HORMAD2: variants seen among roughly 807,000 people sequenced by gnomAD.
HORMAD2 encodes the protein HORMA domain containing 2, also known as HORMA domain-containing protein 2.
Under a neutral mutation model 38.8 loss-of-function variants are expected in HORMAD2, and 45 were observed. The ratio of observed to expected loss-of-function variants is 1.16; its 90% confidence interval spans 0.91 to 1.49. HORMAD2 has a LOEUF of 1.49. Among genes scored for constraint, HORMAD2 ranks in the 40% most tolerant of loss-of-function variants. The probability of loss-of-function intolerance (pLI) is 0.00; values close to 1 mark genes in which losing one functional copy is unlikely to be tolerated. For synonymous variants in HORMAD2, 126 were observed against 122.8 expected (o/e 1.03, Z -0.17); for missense variants, 338 against 367.0 (o/e 0.92, Z 0.65).
intron 10 of HORMAD2, among the ~76,000 whole-genome samples, chr22:30,166,216 A>T (rs1925772352): frequency 6.6e-6 from 1 of 152,124 alleles, no homozygotes; most frequent in African/African-American, 2.4e-5. Context: ...GTTTTGAGGA[A>T]ACATTATTTC....
At chr22:30,203,121 TG>T in the HORMAD2 span, among the ~76,000 whole-genome samples, 1 of 152,118 alleles carries the variant, frequency 6.6e-6, no homozygotes, top group Non-Finnish European at 1.5e-5. Flanking sequence ...TTAAAAGATC[TG>T]TCAGCCTTAC....
At chr22:30,126,262 G>C (rs1423284840) in intron 10 of HORMAD2, among the ~76,000 whole-genome samples, 1 of 151,874 alleles carries the variant, frequency 6.6e-6, no homozygotes, top group Admixed American at 6.6e-5. Flanking sequence ...TCCGCCTCCT[G>C]GGTTCACGCC....
intron 10 of HORMAD2, among the ~76,000 whole-genome samples, chr22:30,171,842 C>T (rs926467344): frequency 6.6e-6 from 1 of 151,886 alleles, no homozygotes; most frequent in Non-Finnish European, 1.5e-5. Flanking sequence ...TAGGAATCAA[C>T]TAGGCAAAAA....
intron 10 of HORMAD2, among the ~76,000 whole-genome samples, chr22:30,130,586 CTTT>C (rs66636269): frequency 1.1e-5 from 1 of 87,910 alleles, no homozygotes; most frequent in Non-Finnish European, 2.3e-5. Flanking sequence ...CTTTTCTTTT[CTTT>C]TTTTTTTTTT....
intron 10 of HORMAD2, among the ~76,000 whole-genome samples, chr22:30,148,670 G>A (rs950634428): frequency 4.6e-5 from 7 of 152,048 alleles, no homozygotes; most frequent in African/African-American, 1.7e-4. Flanking sequence ...AGTAAATTTT[G>A]GAAGAACAAT....
rs761251074 is a variant in HORMAD2 at position 30,177,045 on chromosome 22, A to G, written c.*878A>G. 2.0e-5 allele frequency: 3 copies of G among 152,702 alleles called. No individual in the cohort carries two copies. The highest frequency in any genetic ancestry group is 4.4e-5 in the Non-Finnish European group (3 of 68,024). The allele number at this position is 152,702 out of a possible 1,614,324, so 9.5% of individuals were successfully genotyped here. A position where few individuals can be genotyped will look rare whatever the true frequency, so the allele number is the denominator to read the frequency against. ...CAATAAGTTAAATATTAAGTGTGTG[A>G]CTTATGGTTAAATAAAATGAAAATA... On this transcript the variant is annotated 3_prime_UTR_variant, in exon 11 of 11. Transcript: ENST00000336726.
chr22:30,096,715 C>T (rs1424604545), intron 2 of HORMAD2, among the ~76,000 whole-genome samples: 1 of 152,078 alleles, frequency 6.6e-6, no homozygotes, highest in African/African-American at 2.4e-5. Context: ...GTGATCCGCC[C>T]ACCCCAGCCT....
intron 10 of HORMAD2, among the ~76,000 whole-genome samples, chr22:30,170,169 A>G (rs1449372932): frequency 3.3e-5 from 5 of 152,208 alleles, no homozygotes; most frequent in Non-Finnish European, 5.9e-5. Flanking sequence ...AAACTTAACT[A>G]CAAATTTATA....
intron 10 of HORMAD2, chr22:30,137,436 G>C: frequency 2.7e-6 from 1 of 372,300 alleles, no homozygotes; most frequent in Non-Finnish European, 5.1e-6. Flanking sequence ...GCAGTGAGCT[G>C]TTGATCACAC....
chr22:30,094,066 T>A, intron 2 of HORMAD2, 63 bp downstream of exon 2: 1 of 1,190,072 alleles, frequency 8.4e-7, no homozygotes, highest in Admixed American at 2.2e-5. Context: ...GAATTATGAT[T>A]TTAATCTTTT....
At chr22:30,195,771 A>G in the HORMAD2 span, among the ~76,000 whole-genome samples, 10 of 152,348 alleles carry the variant, frequency 6.6e-5, no homozygotes, top group South Asian at 2.1e-4. Context: ...AACAACCTAC[A>G]TGATTACCTG....
chr22:30,093,818 G>T, intron 1 of HORMAD2, 98 bp from the exon 2 acceptor site: 1 of 565,672 alleles, frequency 1.8e-6, no homozygotes, highest in Non-Finnish European at 3.1e-6. Context: ...TTAATTTTTT[G>T]TTTGCTTTTA....
At chr22:30,205,669 C>G in the HORMAD2 span, among the ~76,000 whole-genome samples, 1 of 152,094 alleles carries the variant, frequency 6.6e-6, no homozygotes, top group Non-Finnish European at 1.5e-5. Flanking sequence ...CTGTATTTCC[C>G]CCTTTTGAGA....
chr22:30,203,033 G>C, the HORMAD2 span, among the ~76,000 whole-genome samples: 1 of 152,198 alleles, frequency 6.6e-6, no homozygotes, highest in Admixed American at 6.5e-5. Flanking sequence ...GTGAGAGGAG[G>C]TTCAGTCTTT....
At chr22:30,127,001 C>A (rs1423013703) in intron 10 of HORMAD2, among the ~76,000 whole-genome samples, 1 of 151,888 alleles carries the variant, frequency 6.6e-6, no homozygotes, top group East Asian at 1.9e-4. Flanking sequence ...TGAATATTTT[C>A]TTTTGTGAAG....
chr22:30,147,272 G>GAT (rs539767900), intron 10 of HORMAD2, among the ~76,000 whole-genome samples: 9 of 152,122 alleles, frequency 5.9e-5, no homozygotes, highest in Non-Finnish European at 1.2e-4. Context: ...TTGTGCTAAG[G>GAT]ATAGACATAT....
intron 10 of HORMAD2, among the ~76,000 whole-genome samples, chr22:30,171,612 G>A (rs574926630): frequency 7.2e-5 from 11 of 152,156 alleles, no homozygotes; most frequent in African/African-American, 2.6e-4. Flanking sequence ...CTACACTGCA[G>A]GCAGAGTGCT....
At chr22:30,120,375 A>ATTC (rs1922346376) in intron 8 of HORMAD2, among the ~76,000 whole-genome samples, 1 of 152,210 alleles carries the variant, frequency 6.6e-6, no homozygotes, top group Non-Finnish European at 1.5e-5. Flanking sequence ...GAGCTAATGT[A>ATTC]TTCACTTAAT....
intron 10 of HORMAD2, among the ~76,000 whole-genome samples, chr22:30,161,047 A>G (rs1925411415): frequency 6.6e-6 from 1 of 152,198 alleles, no homozygotes; most frequent in Admixed American, 6.5e-5. Flanking sequence ...TAGTGACTGT[A>G]TCTTGCAACT....
Sources: allele counts gnomAD v4.1 joint callset (sites outside exome capture counted in the v4.1 genomes callset), GRCh38; gene constraint gnomAD v4.1.1; transcripts MANE v1.5; gene names NCBI Gene and HGNC (gene_info 2026-07-23, HGNC 2026-07-21).